GRIN2D: variants seen among roughly 807,000 people sequenced by gnomAD.
GRIN2D encodes glutamate ionotropic receptor NMDA type subunit 2D.
Under a neutral mutation model 103.2 loss-of-function variants are expected in GRIN2D, and 37 were observed. The observed-to-expected ratio is 0.36, with a 90% CI of 0.28 to 0.47. The LOEUF is 0.47. Among genes scored for constraint, GRIN2D ranks in the 20% least tolerant of loss-of-function variants. The probability of loss-of-function intolerance (pLI) is 1.00; values close to 1 mark genes in which losing one functional copy is unlikely to be tolerated. For missense variants in GRIN2D, 1,557 were observed against 1,910.6 expected, an observed-to-expected ratio of 0.81 and a Z score of 3.45; for synonymous variants, 845 against 885.6, an observed-to-expected ratio of 0.95 and a Z score of 0.81.
intron 2 of GRIN2D, among the ~76,000 whole-genome samples, chr19:48,396,783 G>C (rs1051534178): frequency 6.6e-6 from 1 of 152,024 alleles, no homozygotes; most frequent in Non-Finnish European, 1.5e-5. Context: ...CCCCCGCCCT[G>C]GCTGTCTGTG....
At chr19:48,438,425 A>G (rs1223508145) in intron 11 of GRIN2D, among the ~76,000 whole-genome samples, 2 of 150,300 alleles carry the variant, frequency 1.3e-5, no homozygotes, top group East Asian at 3.9e-4. Context: ...CAGCCTCCTG[A>G]GTAACTGGGA....
intron 3 of GRIN2D, among the ~76,000 whole-genome samples, 167 bp from the exon 4 acceptor site, chr19:48,404,567 G>T (rs1452271518): frequency 6.6e-6 from 1 of 152,186 alleles, no homozygotes; most frequent in Non-Finnish European, 1.5e-5. Context: ...TCATCACGTG[G>T]CTAAACCTAA....
rs965916117 is a variant in GRIN2D, at chr19:48,404,611, G to A, written c.466-123G>A. On this transcript the variant is annotated intron_variant, in intron 3 of 13. Coordinates refer to ENST00000263269, the MANE Select transcript of GRIN2D (RefSeq NM_000836.4). ...TAGCCCTGTGCCCCAGGAGGAAAAG[G>A]AGATGGGTTTAGTGAACCTGTCGAG... is the stretch of plus-strand genomic sequence containing the variant. 15 of 921,518 alleles carry A rather than the reference G, an allele frequency of 1.6e-5. No individual in the cohort carries two copies. The South Asian group carries it at 2.5e-4, about 16-fold the overall frequency. 57.1% of individuals were successfully genotyped at this position (921,518 alleles called of 1,614,324 possible). A position where few individuals can be genotyped will look rare whatever the true frequency, so the allele number is the denominator to read the frequency against.
intron 11 of GRIN2D, among the ~76,000 whole-genome samples, chr19:48,439,421 G>C (rs962612090): frequency 6.6e-6 from 1 of 151,934 alleles, no homozygotes; most frequent in African/African-American, 2.4e-5. Context: ...TACATGCCAG[G>C]AACTATGCCC....
At chr19:48,422,679 C>T (rs278061) in intron 11 of GRIN2D, among the ~76,000 whole-genome samples, 73,365 of 151,888 alleles carry the variant, frequency 0.48, 18,134 homozygotes, top group East Asian at 0.83. Context: ...GAACAGTGCC[C>T]GGTGCACTAT....
Position 48,443,623 on chromosome 19 carries a change from C to A in GRIN2D, c.3697C>A (p.Pro1233Thr). ...RARCGCPRSH[P>T]HRPRASHRTP... is the part of the protein sequence containing the mutation. ...CCGCTGCGGGTGCCCGCGGTCGCAC[C>A]CGCACCGCCCGCGGGCCTCGCACCG... The change falls in exon 14 of 14, where the codon CCG becomes ACG. Residue 1233 changes from proline to threonine, a missense_variant. Physicochemically the swap from Pro to Thr is conservative, Grantham distance 38 (BLOSUM62 -1). Transcript: ENST00000263269. The surrounding 1 kb of genome is among the most constrained non-coding windows in gnomAD (Gnocchi z 8.9). The A allele has an allele frequency of 9.3e-7, 1 of 1,080,188 alleles. No homozygotes were observed. Among genetic ancestry groups the A allele is most frequent in the South Asian group, 4.1e-5 (1 of 24,468 alleles). The allele number at this position is 1,080,188 out of a possible 1,614,324, so 66.9% of individuals were successfully genotyped here. A position where few individuals can be genotyped will look rare whatever the true frequency, so the allele number is the denominator to read the frequency against.
At position 48,435,303 on chromosome 19, in the gene GRIN2D, T is replaced by TG. The variant is rs1430002828; in HGVS notation, c.2253-6466_2253-6465insG. 3.3e-5 allele frequency among the ~76,000 whole-genome samples: 5 copies of TG among 149,320 alleles called. 1 individual carries two copies. The highest frequency in any genetic ancestry group is 9.9e-5 in the African/African-American group (4 of 40,516). On this transcript the variant is annotated intron_variant, in intron 11 of 13. Transcript: ENST00000263269. ...GTGCCCATTCAGCCACTTGTTTTTTTTTTTTTTTTTTTGAGACGGAGTCTT... is the reference window on the plus strand; with the variant it reads ...GTGCCCATTCAGCCACTTGTTTTTTTGTTTTTTTTTTTTGAGACGGAGTCTT...
At chr19:48,428,992 G>A (rs1600988529) in intron 11 of GRIN2D, among the ~76,000 whole-genome samples, 2 of 152,206 alleles carry the variant, frequency 1.3e-5, no homozygotes, top group East Asian at 1.9e-4. Context: ...CCTCACATGT[G>A]CACTGAGTAA....
At chr19:48,410,666 G>A (rs780172003) in intron 4 of GRIN2D, among the ~76,000 whole-genome samples, 7 of 152,036 alleles carry the variant, frequency 4.6e-5, no homozygotes, top group East Asian at 1.9e-4. Context: ...GACGGGTGGC[G>A]TGAGTTTTGG....
chr19:48,422,367 C>T (rs1054623812), intron 11 of GRIN2D, among the ~76,000 whole-genome samples: 1 of 152,180 alleles, frequency 6.6e-6, no homozygotes, highest in South Asian at 2.1e-4. Context: ...AATCCCAGCA[C>T]TTTCAGAGGC....
chr19:48,402,146 A>AAGAC, intron 3 of GRIN2D, among the ~76,000 whole-genome samples: 2 of 139,592 alleles, frequency 1.4e-5, no homozygotes, highest in African/African-American at 5.2e-5. Flanking sequence ...GAAAGAAAGA[A>AAGAC]AGAAAGAAAG....
At chr19:48,432,345 C>T (rs952175888) in intron 11 of GRIN2D, among the ~76,000 whole-genome samples, 32 of 151,348 alleles carry the variant, frequency 2.1e-4, no homozygotes, top group African/African-American at 7.5e-4. Flanking sequence ...ATGAGCCATG[C>T]GCATGGCCAT....
At chr19:48,402,723 CAAAAAAAAAAAA>C (rs773669453) in intron 3 of GRIN2D, among the ~76,000 whole-genome samples, 1 of 43,126 alleles carries the variant, frequency 2.3e-5, no homozygotes. Flanking sequence ...GACTCCGTCT[CAAAAAAAAAAAA>C]AAAAAAAAAA....
chr19:48,426,476 T>A (rs1225299119), intron 11 of GRIN2D, among the ~76,000 whole-genome samples: 1 of 152,050 alleles, frequency 6.6e-6, no homozygotes, highest in Non-Finnish European at 1.5e-5. Context: ...TCCAACCGCC[T>A]TGGCCTCCAA....
intron 3 of GRIN2D, among the ~76,000 whole-genome samples, chr19:48,402,169 A>G (rs543533903): frequency 6.7e-6 from 1 of 148,182 alleles, no homozygotes; most frequent in African/African-American, 2.5e-5. Context: ...AGAAAGAAAG[A>G]GAGAAAAGAA....
intron 8 of GRIN2D, among the ~76,000 whole-genome samples, chr19:48,417,276 A>C (rs2147453751): frequency 6.6e-6 from 1 of 152,238 alleles, no homozygotes; most frequent in African/African-American, 2.4e-5. Flanking sequence ...ACTCTGTGGA[A>C]GCAAGTGGCT....
At chr19:48,433,976 T>A (rs936708911) in intron 11 of GRIN2D, among the ~76,000 whole-genome samples, 2 of 149,726 alleles carry the variant, frequency 1.3e-5, no homozygotes, top group African/African-American at 4.9e-5. Context: ...TGAGATGGAG[T>A]CTCGCTCTGT....
intron 11 of GRIN2D, among the ~76,000 whole-genome samples, chr19:48,437,304 A>T (rs1971244062): frequency 1.3e-5 from 2 of 151,982 alleles, no homozygotes; most frequent in Admixed American, 6.6e-5. Context: ...AAGTTTTTGT[A>T]GAGACAGGTC....
In GRIN2D at chr19:48,443,171, C is replaced by A. The variant is rs1971327271; in HGVS notation, c.3245C>A (p.Thr1082Lys). ...LGPGAGGAGGTGGAGGGAPAA... is the reference protein window; with the variant it reads ...LGPGAGGAGGKGGAGGGAPAA... ...CCAGGCGCGGGCGGCGCGGGGGGCACGGGGGGCGCAGGCGGAGGAGCCCCG... is the reference window on the plus strand; with the variant it reads ...CCAGGCGCGGGCGGCGCGGGGGGCAAGGGGGGCGCAGGCGGAGGAGCCCCG... The change falls in exon 14 of 14, where the codon ACG becomes AAG. Residue 1082 changes from threonine (T) to lysine (K), a missense_variant. Physicochemically the swap from Thr to Lys is moderately conservative, Grantham distance 78 (BLOSUM62 -1). Coordinates refer to ENST00000263269, the MANE Select transcript of GRIN2D (RefSeq NM_000836.4). This position sits in a 1 kb window ranked among gnomAD's most constrained non-coding sequence, Gnocchi z 8.9. 9.6e-7 allele frequency: 1 copy of A among 1,039,052 alleles called. No homozygotes were observed. Among genetic ancestry groups the A allele is most frequent in the Non-Finnish European group, 1.2e-6 (1 of 861,804 alleles). 64.4% of individuals were successfully genotyped at this position (1,039,052 alleles called of 1,614,324 possible). A position where few individuals can be genotyped will look rare whatever the true frequency, so the allele number is the denominator to read the frequency against.
Sources: allele counts gnomAD v4.1 joint callset (sites outside exome capture counted in the v4.1 genomes callset), GRCh38; gene constraint gnomAD v4.1.1; non-coding constraint Gnocchi (gnomAD v3.1); transcripts MANE v1.5; gene names NCBI Gene and HGNC (gene_info 2026-07-23, HGNC 2026-07-21).